Variants in CLEC2B observed in about 807,000 individuals in gnomAD.
The protein encoded by CLEC2B is C-type lectin domain family 2 member B.
Under a neutral mutation model 16.2 loss-of-function variants are expected in CLEC2B, and 14 were observed. The observed-to-expected ratio is 0.86, with a 90% CI of 0.57 to 1.35. CLEC2B has a LOEUF of 1.35. CLEC2B is among the 40% of genes most tolerant of loss of function. The pLI is 0.00. For missense variants in CLEC2B, 166 were observed against 182.3 expected, an observed-to-expected ratio of 0.91 and a Z score of 0.52; for synonymous variants, 42 against 55.8, an observed-to-expected ratio of 0.75 and a Z score of 1.10.
At chr12:9,861,568 C>T (rs1308979622) in intron 2 of CLEC2B, among the ~76,000 whole-genome samples, 2 of 151,960 alleles carry the variant, frequency 1.3e-5, no homozygotes, top group African/African-American at 4.8e-5. Context: ...TTCCAGTATT[C>T]ATTAAAAGAC....
chr12:9,865,762 A>T (rs1487851410), intron 1 of CLEC2B, among the ~76,000 whole-genome samples: 1 of 152,176 alleles, frequency 6.6e-6, no homozygotes, highest in Non-Finnish European at 1.5e-5. Flanking sequence ...AGGCCAAAAA[A>T]CAAGTCTCAA....
chr12:9,858,576 G>A (rs921361925), intron 2 of CLEC2B, among the ~76,000 whole-genome samples: 2 of 152,036 alleles, frequency 1.3e-5, no homozygotes, highest in South Asian at 4.1e-4. Flanking sequence ...GTTATAAATA[G>A]AATGCTGATG....
chr12:9,865,702 T>G (rs1421165313), intron 1 of CLEC2B, among the ~76,000 whole-genome samples: 1 of 152,138 alleles, frequency 6.6e-6, no homozygotes, highest in Non-Finnish European at 1.5e-5. Flanking sequence ...TGCAGAATAC[T>G]CATTATTTTT....
At chr12:9,864,416 G>A (rs1867955835) in intron 1 of CLEC2B, among the ~76,000 whole-genome samples, 2 of 152,156 alleles carry the variant, frequency 1.3e-5, no homozygotes, top group South Asian at 2.1e-4. Context: ...CTCTAATACT[G>A]TAATTGTGGT....
At chr12:9,865,995 G>T (rs1867967475) in intron 1 of CLEC2B, among the ~76,000 whole-genome samples, 1 of 151,922 alleles carries the variant, frequency 6.6e-6, no homozygotes, top group Non-Finnish European at 1.5e-5. Flanking sequence ...GTGGAATGCA[G>T]AAAAGCAGTA....
chr12:9,861,049 G>A (rs1007400298), intron 2 of CLEC2B, among the ~76,000 whole-genome samples: 1 of 151,886 alleles, frequency 6.6e-6, no homozygotes, highest in Non-Finnish European at 1.5e-5. Flanking sequence ...TTCTTAGAAT[G>A]AAAAATATAG....
intron 1 of CLEC2B, among the ~76,000 whole-genome samples, chr12:9,863,000 G>A (rs1365166594): frequency 2.0e-5 from 3 of 152,076 alleles, no homozygotes; most frequent in Non-Finnish European, 4.4e-5. Context: ...AGACAAAGTG[G>A]GGAGGCAGGA....
chr12:9,868,755 A>T (rs543191294), intron 1 of CLEC2B, among the ~76,000 whole-genome samples: 1 of 152,228 alleles, frequency 6.6e-6, no homozygotes, highest in South Asian at 2.1e-4. Flanking sequence ...CCTTAGTAAG[A>T]GTAGGAAAGG....
At position 9,853,083 on chromosome 12, in the gene CLEC2B, A is replaced by AAGAAAGAAAGAAAGAAAGAGAGAAAGAG; in HGVS notation, c.*216_*217insCTCTTTCTCTCTTTCTTTCTTTCTTTCT. On this transcript the variant is annotated 3_prime_UTR_variant, in exon 5 of 5. Coordinates refer to ENST00000228438, the MANE Select transcript of CLEC2B (RefSeq NM_005127.3). ...AAAGAAAGAAAGAAAGAAAGAAAGA[A>AAGAAAGAAAGAAAGAAAGAGAGAAAGAG]AGAGAGAGAGAGAAAGAAAGAAAGA... The AAGAAAGAAAGAAAGAAAGAGAGAAAGAG allele has an allele frequency of 3.2e-6, 1 of 308,292 alleles. No individual in the cohort carries two copies. The highest frequency in any genetic ancestry group is 5.8e-6 in the Non-Finnish European group (1 of 171,730). The allele number at this position is 308,292 out of a possible 1,614,324, so 19.1% of individuals were successfully genotyped here.
At position 9,859,709 on chromosome 12, in the gene CLEC2B, A is replaced by C. The variant is rs150855957; in HGVS notation, c.74-2072T>G. Among the ~76,000 whole-genome samples the C allele has an allele frequency of 7.7e-4, 117 of 152,030 alleles. 1 individual carries two copies. The East Asian group carries it at 0.02, about 26-fold the overall frequency. ...ACTTTCCAACCAAATTTTAGAAGCCATCATAATCACATCAATACCTGATAA... is the reference window on the plus strand; with the variant it reads ...ACTTTCCAACCAAATTTTAGAAGCCCTCATAATCACATCAATACCTGATAA... On this transcript the variant is annotated intron_variant, in intron 2 of 4. Transcript: ENST00000228438.
At position 9,857,474 on chromosome 12, in the gene CLEC2B, C is replaced by A; in HGVS notation, c.237G>T (p.Met79Ile). The A allele has an allele frequency of 1.9e-6, 3 of 1,599,942 alleles. No homozygotes were observed. Among genetic ancestry groups the A allele is most frequent in the Non-Finnish European group, 2.6e-6 (3 of 1,169,566 alleles). ...AAAGAATGTATATTAAATTACTTAC[C>A]ATTTCTTCTATGTTGTCAATTATAG... Reference protein sequence around the residue: ...DLTIIDNIEEMNFLRRYKCSS... With the variant: ...DLTIIDNIEEINFLRRYKCSS... Residue 79 changes from methionine to isoleucine, a missense_variant and splice_region_variant, in exon 3 of 5, where the codon ATG (methionine) becomes ATT (isoleucine). Physicochemically the swap from Met to Ile is conservative, Grantham distance 10 (BLOSUM62 1). Transcript: ENST00000228438.
chr12:9,853,425 A>C lies in CLEC2B; in HGVS notation c.342-17T>G, dbSNP rs1179965068. The C allele has an allele frequency of 6.3e-7, 1 of 1,590,642 alleles. No individual in the cohort carries two copies. Among genetic ancestry groups the C allele is most frequent in the Non-Finnish European group, 8.6e-7 (1 of 1,158,706 alleles). On this transcript the variant is annotated splice_polypyrimidine_tract_variant and intron_variant, in intron 4 of 4. Transcript: ENST00000228438. ...ATGCCAAACCTGCAACAAAGGGATT[A>C]ACCATTATGTAGTCATGTGATTTCT...
rs1555123321 is a variant in CLEC2B, at chr12:9,853,085, G to GAAAGAAAGAAAGAAAGAAAGAAAGAA, written c.*214_*215insTTCTTTCTTTCTTTCTTTCTTTCTTT. On this transcript the variant is annotated 3_prime_UTR_variant, in exon 5 of 5. Transcript: ENST00000228438. Reference sequence around the variant, plus strand: ...AGAAAGAAAGAAAGAAAGAAAGAAAGAGAGAGAGAGAAAGAAAGAAAGAAA... The same window carrying GAAAGAAAGAAAGAAAGAAAGAAAGAA: ...AGAAAGAAAGAAAGAAAGAAAGAAAGAAAGAAAGAAAGAAAGAAAGAAAGAAAGAGAGAGAGAAAGAAAGAAAGAAA... 5.7e-5 allele frequency: 18 copies of GAAAGAAAGAAAGAAAGAAAGAAAGAA among 316,042 alleles called. No homozygotes were observed. The highest frequency in any genetic ancestry group is 8.2e-5 in the African/African-American group (2 of 24,536). 19.6% of individuals were successfully genotyped at this position (316,042 alleles called of 1,614,324 possible).
intron 1 of CLEC2B, chr12:9,867,250 C>T (rs1356213142): frequency 6.6e-6 from 1 of 152,098 alleles, no homozygotes; most frequent in African/African-American, 2.4e-5. Context: ...ACTCTCAATA[C>T]CACCAAATGA....
rs1476659611 is a variant in CLEC2B, at chr12:9,869,344, A to G, written c.-142T>C. On this transcript the variant is annotated 5_prime_UTR_variant, in exon 1 of 5. Transcript: ENST00000228438. ...TGTTTTTACAGCACAGCTCCAAACT[A>G]GAGGTATACCACTTTTGAAGAGTAA... 6.6e-6 allele frequency: 1 copy of G among 152,186 alleles called. No homozygotes were observed. The highest frequency in any genetic ancestry group is 2.4e-5 in the African/African-American group (1 of 41,454). The allele number at this position is 152,186 out of a possible 1,614,324, so 9.4% of individuals were successfully genotyped here. A position where few individuals can be genotyped will look rare whatever the true frequency, so the allele number is the denominator to read the frequency against.
intron 2 of CLEC2B, among the ~76,000 whole-genome samples, chr12:9,858,613 C>T (rs1867911933): frequency 6.6e-6 from 1 of 151,820 alleles, no homozygotes; most frequent in Non-Finnish European, 1.5e-5. Flanking sequence ...GCAAAATAAT[C>T]AGTTAAATTA....
At chr12:9,862,222 T>C (rs1005636291) in intron 2 of CLEC2B, among the ~76,000 whole-genome samples, 2 of 152,104 alleles carry the variant, frequency 1.3e-5, no homozygotes, top group African/African-American at 4.8e-5. Context: ...AAAACTAAGC[T>C]ATAGCAATAG....
Position 9,854,449 on chromosome 12 carries a change from G to A in CLEC2B, c.273C>T (p.His91=), listed in dbSNP as rs370058169. Reference sequence around the variant, plus strand: ...TTTTTGCCATCTTCAGTCCAATCCAGTGATCAGAACTGCATTTATACCGCC... The same window carrying A: ...TTTTTGCCATCTTCAGTCCAATCCAATGATCAGAACTGCATTTATACCGCC... ...FLRRYKCSSD[H]WIGLKMAKNR... Residue 91 remains histidine, a synonymous_variant, in exon 4 of 5, where the codon CAC becomes CAT. Transcript: ENST00000228438. The A allele has an allele frequency of 1.9e-5, 30 of 1,613,368 alleles. No individual in the cohort carries two copies. Among genetic ancestry groups the A allele is most frequent in the Non-Finnish European group, 2.5e-5 (29 of 1,179,498 alleles).
rs76744398 is a variant in CLEC2B at position 9,862,152 on chromosome 12, T to G, written c.73+347A>C. 3.7e-3 allele frequency among the ~76,000 whole-genome samples: 563 copies of G among 152,198 alleles called. 2 individuals are homozygous for G. Among genetic ancestry groups the G allele is most frequent in the African/African-American group, 0.013 (542 of 41,550 alleles). On this transcript the variant is annotated intron_variant, in intron 2 of 4. Transcript: ENST00000228438. ...CTGTATTTATGATACATGCAAATTGTATATTGTATTTTATATGTATTTAAA... is the reference window on the plus strand; with the variant it reads ...CTGTATTTATGATACATGCAAATTGGATATTGTATTTTATATGTATTTAAA...
Sources: allele counts gnomAD v4.1 joint callset (sites outside exome capture counted in the v4.1 genomes callset), GRCh38; gene constraint gnomAD v4.1.1; transcripts MANE v1.5; gene names NCBI Gene and HGNC (gene_info 2026-07-23, HGNC 2026-07-21).